The following SLK variants were observed in gnomAD, a reference collection of about 807,000 sequenced individuals.
The protein encoded by SLK is STE20-like serine/threonine-protein kinase.
SLK carries 67 observed loss-of-function variants against 147.7 expected under a neutral mutation model. The observed-to-expected ratio is 0.45, with a 90% CI of 0.37 to 0.56. The LOEUF is 0.56. Ranked by LOEUF, SLK falls within the 20% of genes least tolerant of loss-of-function variation. The pLI is 0.00. For missense variants in SLK, 1,136 were observed against 1,438.8 expected (o/e 0.79, Z 3.41); for synonymous variants, 441 against 475.0 (o/e 0.93, Z 0.93).
At chr10:104,023,397 T>A (rs967242992) in intron 18 of SLK, among the ~76,000 whole-genome samples, 6 of 152,228 alleles carry the variant, frequency 3.9e-5, no homozygotes, top group Non-Finnish European at 2.9e-5. Context: ...TGTGTTCAGA[T>A]CTCAGTACTG....
In SLK at chr10:104,019,867, G is replaced by C; in HGVS notation, c.3266G>C (p.Ser1089Thr). 1 of 1,614,146 alleles carries C rather than the reference G, an allele frequency of 6.2e-7. No homozygotes were observed. Among genetic ancestry groups the C allele is most frequent in the Non-Finnish European group, 8.5e-7 (1 of 1,179,998 alleles). Residue 1089 changes from serine to threonine, a missense_variant, in exon 16 of 19, where the codon AGT (serine) becomes ACT (threonine). Ser to Thr is a moderately conservative substitution (Grantham distance 58). Transcript: ENST00000369755. ...AKTRMAMFKK[S>T]LRINSTATPD... ...ACTCGAATGGCCATGTTTAAGAAGAGTTTGAGAATTAACTCAACAGCCACA... is the reference window on the plus strand; with the variant it reads ...ACTCGAATGGCCATGTTTAAGAAGACTTTGAGAATTAACTCAACAGCCACA...
chr10:103,998,612 C>T (rs1013097303), intron 4 of SLK, among the ~76,000 whole-genome samples: 46 of 152,116 alleles, frequency 3.0e-4, no homozygotes, highest in African/African-American at 1.1e-3. Flanking sequence ...ATAGACTGGT[C>T]TGCTTTTAGA....
chr10:104,022,888 G>A (rs1331414001), intron 18 of SLK, among the ~76,000 whole-genome samples: 4 of 152,364 alleles, frequency 2.6e-5, no homozygotes, highest in South Asian at 4.1e-4. Context: ...GATTATAGGC[G>A]TGAGCCACCA....
chr10:104,002,938 A>T lies in SLK; in HGVS notation c.1760A>T (p.Lys587Met). The change falls in exon 9 of 19, where the codon AAG (lysine) becomes ATG (methionine). Residue 587 changes from lysine (K) to methionine (M), a missense_variant. Physicochemically the swap from Lys to Met is moderately conservative, Grantham distance 95 (BLOSUM62 -1). Transcript: ENST00000369755. ...VVEVGQKLIN[K>M]PMVGPEAGGT... is the part of the protein sequence containing the mutation. ...GAAGTAGGCCAGAAATTAATTAATA[A>T]GCCCATGGTGGGTCCTGAGGCTGGT... The T allele has an allele frequency of 6.2e-7, 1 of 1,614,148 alleles. No individual in the cohort carries two copies.
chr10:104,020,693 CAA>C, intron 17 of SLK, 80 bp downstream of exon 17: 1 of 1,446,496 alleles, frequency 6.9e-7, no homozygotes, highest in Non-Finnish European at 9.4e-7. Context: ...AGTAGCTAGC[CAA>C]AGTCAACTGC....
rs1448434199 is a variant in SLK, at chr10:104,025,966, A to G, written c.*246A>G. ...GTGACTAAGGTGACTTTGTATATTC[A>G]TCTTAAAAATTATGTTCTTTAGACA... is the stretch of plus-strand genomic sequence containing the variant. On this transcript the variant is annotated 3_prime_UTR_variant, in exon 19 of 19. Transcript: ENST00000369755. The G allele has an allele frequency of 2.7e-6, 1 of 368,600 alleles. No homozygotes were observed. Among genetic ancestry groups the G allele is most frequent in the Non-Finnish European group, 4.8e-6 (1 of 206,540 alleles). 22.8% of individuals were successfully genotyped at this position (368,600 alleles called of 1,614,324 possible).
intron 13 of SLK, among the ~76,000 whole-genome samples, chr10:104,016,272 C>T (rs755715898): frequency 5.9e-5 from 9 of 151,596 alleles, no homozygotes; most frequent in Non-Finnish European, 1.0e-4. Flanking sequence ...TGAGCCGAGA[C>T]CGTGCCACTG....
chr10:103,988,112 A>C (rs551008595), intron 1 of SLK, among the ~76,000 whole-genome samples: 2 of 152,322 alleles, frequency 1.3e-5, no homozygotes, highest in South Asian at 4.1e-4. Flanking sequence ...GGGGAGGCTA[A>C]AGGAAGATGT....
At chr10:103,991,901 G>C (rs1416238558) in intron 2 of SLK, among the ~76,000 whole-genome samples, 1 of 151,980 alleles carries the variant, frequency 6.6e-6, no homozygotes, top group African/African-American at 2.4e-5. Flanking sequence ...TTAATAAACA[G>C]ATAAGACCTT....
intron 9 of SLK, among the ~76,000 whole-genome samples, chr10:104,005,357 C>T (rs745408661): frequency 5.9e-5 from 9 of 152,158 alleles, no homozygotes; most frequent in Admixed American, 2.0e-4. Flanking sequence ...TCTGTAAAGA[C>T]GTGTAAGTCA....
At position 104,003,196 on chromosome 10, in the gene SLK, C is replaced by G; in HGVS notation, c.2018C>G (p.Ser673Cys). 2 of 1,613,840 alleles carry G rather than the reference C, an allele frequency of 1.2e-6. No individual in the cohort carries two copies. The highest frequency in any genetic ancestry group is 1.7e-6 in the Non-Finnish European group (2 of 1,179,926). Residue 673 changes from serine (S) to cysteine (C), a missense_variant, in exon 9 of 19, where the codon TCT (serine) becomes TGT (cysteine). By Grantham distance (112) the Ser-to-Cys change is moderately radical. This residue lies in a region of SLK where 516 missense variants were observed against 531.3 expected (regional missense o/e 0.97). Coordinates refer to ENST00000369755, the MANE Select transcript of SLK (RefSeq NM_014720.4). ...TTAGGAAGTGAAGTTCAGGATGCTTCTAAAGTCACTACTCAGATAGATAAA... is the reference window on the plus strand; with the variant it reads ...TTAGGAAGTGAAGTTCAGGATGCTTGTAAAGTCACTACTCAGATAGATAAA... ...KALGSEVQDA[S>C]KVTTQIDKEK...
chr10:104,008,432 A>G, intron 12 of SLK, 76 bp downstream of exon 12: 2 of 969,660 alleles, frequency 2.1e-6, no homozygotes, highest in Non-Finnish European at 3.1e-6. Flanking sequence ...CTAAGGATTT[A>G]GGAATACTAA....
chr10:103,983,245 A>C (rs1164081872), intron 1 of SLK, among the ~76,000 whole-genome samples: 2 of 152,224 alleles, frequency 1.3e-5, no homozygotes, highest in Non-Finnish European at 2.9e-5. Flanking sequence ...CAGGACTGAA[A>C]AGATCACCAT....
Position 104,019,783 on chromosome 10 carries a change from A to G in SLK, c.3182A>G (p.Lys1061Arg). The change falls in exon 16 of 19, where the codon AAA (lysine) becomes AGA (arginine). Residue 1061 changes from lysine (K) to arginine (R), a missense_variant. Coordinates refer to ENST00000369755, the MANE Select transcript of SLK (RefSeq NM_014720.4). The part of the protein sequence containing the change: ...RYNQRLIEEL[K>R]NRQTQERARL... ...AATCAAAGACTTATTGAGGAATTGA[A>G]AAACAGACAGACTCAAGAAAGAGCA... 1 of 1,614,178 alleles carries G rather than the reference A, an allele frequency of 6.2e-7. No homozygotes were observed. The highest frequency in any genetic ancestry group is 1.1e-5 in the South Asian group (1 of 91,090).
intron 4 of SLK, among the ~76,000 whole-genome samples, chr10:103,998,079 A>G (rs1844199056): frequency 6.6e-6 from 1 of 152,170 alleles, no homozygotes; most frequent in South Asian, 2.1e-4. Context: ...GAACCATATA[A>G]TAGATAAAAG....
Position 103,999,328 on chromosome 10 carries a change from A to G in SLK, c.782+15A>G. The G allele has an allele frequency of 6.4e-7, 1 of 1,562,488 alleles. No homozygotes were observed. The highest frequency in any genetic ancestry group is 8.7e-7 in the Non-Finnish European group (1 of 1,153,764). ...CCATCCAGATGGTAAAAATATTCTT[A>G]AAAAAGCTTAATAAGAAACAAATGA... is the stretch of plus-strand genomic sequence containing the variant. On this transcript the variant is annotated intron_variant, in intron 6 of 18. Transcript: ENST00000369755.
intron 3 of SLK, 52 bp from the exon 4 acceptor site, chr10:103,992,930 AAT>A: frequency 7.6e-7 from 1 of 1,320,988 alleles, no homozygotes; most frequent in Admixed American, 1.9e-5. Flanking sequence ...ATAGCCTGCT[AAT>A]ATGTTTTCAC....
intron 9 of SLK, among the ~76,000 whole-genome samples, chr10:104,005,069 C>G (rs537869676): frequency 6.6e-6 from 1 of 151,618 alleles, no homozygotes; most frequent in African/African-American, 2.4e-5. Flanking sequence ...TACCTGAGAG[C>G]TTTTTCAAAA....
intron 2 of SLK, among the ~76,000 whole-genome samples, chr10:103,991,275 TATC>T (rs1844089669): frequency 6.6e-6 from 1 of 152,136 alleles, no homozygotes; most frequent in Non-Finnish European, 1.5e-5. Context: ...TTTATCGTAT[TATC>T]AGGTTCAACT....
Sources: gnomAD v4.1 joint callset for allele counts (sites outside exome capture counted in the v4.1 genomes callset) on GRCh38, gnomAD v4.1.1 for gene constraint, gnomAD v4.1.1 regional missense constraint, MANE v1.5 for transcripts, NCBI Gene and HGNC (gene_info 2026-07-23, HGNC 2026-07-21) for gene names.